The following GREB1 variants were observed in gnomAD, a reference collection of about 807,000 sequenced individuals.
The protein encoded by GREB1 is protein GREB1.
A neutral mutation model predicts 200.7 loss-of-function variants in GREB1; 106 were observed. The ratio of observed to expected loss-of-function variants is 0.53; its 90% CI spans 0.45 to 0.62. The LOEUF (loss-of-function observed/expected upper bound fraction) is 0.62, where lower values mean the gene tolerates loss of function less well. GREB1 is among the 20% of genes least tolerant of loss of function. The pLI is 0.00. For missense variants in GREB1, 2,243 were observed against 2,556.8 expected (o/e 0.88, Z 2.65); for synonymous variants, 1,132 against 1,092.4 (o/e 1.04, Z -0.72).
chr2:11,567,482 C>G (rs1677789633), intron 4 of GREB1, among the ~76,000 whole-genome samples: 1 of 152,120 alleles, frequency 6.6e-6, no homozygotes, highest in African/African-American at 2.4e-5. Context: ...TTAAATTGCT[C>G]AAGGCCGCGT....
At position 11,592,987 on chromosome 2, in the gene GREB1, C is replaced by T. The variant is rs1403581473; in HGVS notation, c.1557C>T (p.Ile519=). 3 of 1,608,356 alleles carry T rather than the reference C, an allele frequency of 1.9e-6. No individual in the cohort carries two copies. Among genetic ancestry groups the T allele is most frequent in the African/African-American group, 1.3e-5 (1 of 74,794 alleles). ...CCTGCAACGACAGCGTGCACGTCAT[C>T]GAGTGTGCTTACTCCCTGGCCGAGG... The part of the protein sequence containing the change: ...ASSCNDSVHV[I]ECAYSLAEGL... Residue 519 remains isoleucine, a synonymous_variant, in exon 11 of 33, where the codon ATC becomes ATT. Transcript: ENST00000381486.
intron 2 of GREB1, among the ~76,000 whole-genome samples, chr2:11,559,372 G>A (rs1459819915): frequency 1.3e-5 from 2 of 152,198 alleles, no homozygotes; most frequent in Non-Finnish European, 1.5e-5. Flanking sequence ...AATATCTGAT[G>A]TAGACCTTTG....
intron 5 of GREB1, among the ~76,000 whole-genome samples, chr2:11,577,382 G>C (rs1020820714): frequency 1.3e-5 from 2 of 152,182 alleles, no homozygotes; most frequent in East Asian, 1.9e-4. Context: ...AGCTTGGCTT[G>C]AACAATGCCC....
chr2:11,506,327 C>G (rs559647517), intron 1 of GREB1, among the ~76,000 whole-genome samples: 4 of 152,184 alleles, frequency 2.6e-5, no homozygotes, highest in African/African-American at 4.8e-5. Context: ...AATGGTTTAT[C>G]TGGGGACTGG....
intron 11 of GREB1, 139 bp downstream of exon 11, chr2:11,593,265 G>A: frequency 1.7e-6 from 1 of 597,438 alleles, no homozygotes; most frequent in South Asian, 2.2e-5. Flanking sequence ...GTGCTCAGTA[G>A]CTGGCTTCAG....
chr2:11,589,649 T>C (rs1039277803), intron 10 of GREB1, among the ~76,000 whole-genome samples: 2 of 152,194 alleles, frequency 1.3e-5, no homozygotes, highest in Admixed American at 6.5e-5. Flanking sequence ...CTGGCGGCTA[T>C]GTGGAGTCAG....
Position 11,618,794 on chromosome 2 carries a change from G to C in GREB1, c.3919G>C (p.Glu1307Gln), listed in dbSNP as rs757992756. 2 of 1,610,662 alleles carry C rather than the reference G, an allele frequency of 1.2e-6. No individual in the cohort carries two copies. Among genetic ancestry groups the C allele is most frequent in the South Asian group, 2.2e-5 (2 of 91,048 alleles). ...GCTCAGCAAGACCATGACATCCACCGAGCAGTCCCTCTACTACCGGCAGTG... is the reference window on the plus strand; with the variant it reads ...GCTCAGCAAGACCATGACATCCACCCAGCAGTCCCTCTACTACCGGCAGTG... ...PLLSKTMTST[E>Q]QSLYYRQWTV... Residue 1307 changes from glutamate to glutamine, a missense_variant, in exon 22 of 33, where the codon GAG becomes CAG. Glu to Gln is a conservative substitution (Grantham distance 29). This residue lies in a region of GREB1 where 587 missense variants were observed against 553.1 expected (regional missense o/e 1.06). Transcript: ENST00000381486.
intron 7 of GREB1, among the ~76,000 whole-genome samples, chr2:11,583,058 C>G (rs1019536986): frequency 6.6e-6 from 1 of 152,186 alleles, no homozygotes; most frequent in African/African-American, 2.4e-5. Context: ...CAAATAGTAC[C>G]TCCCCAAGAG....
Position 11,556,482 on chromosome 2 carries a change from C to T in GREB1, c.-133C>T, listed in dbSNP as rs1030937199. ...CTGCAGCTGAGGACAGCCACCCTTT[C>T]TTCGTCTCTGCTGAGCGAAGGCTAC... On this transcript the variant is annotated 5_prime_UTR_variant, in exon 2 of 33. Coordinates refer to ENST00000381486, the MANE Select transcript of GREB1 (RefSeq NM_014668.4). 3.0e-6 allele frequency: 2 copies of T among 662,374 alleles called. No homozygotes were observed. Among genetic ancestry groups the T allele is most frequent in the Non-Finnish European group, 5.0e-6 (2 of 396,062 alleles). The allele number at this position is 662,374 out of a possible 1,614,324, so 41.0% of individuals were successfully genotyped here.
chr2:11,594,391 G>A (rs1681019931), intron 11 of GREB1, among the ~76,000 whole-genome samples: 1 of 148,794 alleles, frequency 6.7e-6, no homozygotes, highest in Admixed American at 6.7e-5. Context: ...GTCTTGCTCT[G>A]TTGCCCAGGC....
At chr2:11,616,235 C>T (rs1405576834) in intron 20 of GREB1, among the ~76,000 whole-genome samples, 1 of 152,246 alleles carries the variant, frequency 6.6e-6, no homozygotes, top group Non-Finnish European at 1.5e-5. Context: ...TGCACGGCTG[C>T]CCTTCCTGCT....
intron 31 of GREB1, 113 bp downstream of exon 31, chr2:11,638,029 T>G: frequency 1.7e-4 from 147 of 888,564 alleles, no homozygotes; most frequent in Non-Finnish European, 2.5e-4. Flanking sequence ...GTCTCGGGGT[T>G]GACCCCACTT....
At chr2:11,627,169 C>A in intron 25 of GREB1, 65 bp downstream of exon 25, 2 of 1,414,506 alleles carry the variant, frequency 1.4e-6, no homozygotes, top group South Asian at 1.4e-5. Context: ...CCCCTGCTCT[C>A]TCACGCTTTC....
At chr2:11,581,031 T>C (rs1354396968) in intron 7 of GREB1, 199 bp downstream of exon 7, 1 of 717,138 alleles carries the variant, frequency 1.4e-6, no homozygotes, top group Non-Finnish European at 2.6e-6. Flanking sequence ...TGAGTGACAC[T>C]TGGGAGTTAC....
Position 11,632,879 on chromosome 2 carries a change from C to T in GREB1, c.4817-10C>T, listed in dbSNP as rs757607920. ...GTCAGTCCTGAGTCCAGGTGCTTTG[C>T]CCACTGCAGGTGCTGCTCATTTCCT... is the stretch of plus-strand genomic sequence containing the variant. On this transcript the variant is annotated splice_polypyrimidine_tract_variant and intron_variant, in intron 27 of 32. Transcript: ENST00000381486. 4.3e-6 allele frequency: 7 copies of T among 1,611,972 alleles called. No individual in the cohort carries two copies. The South Asian group carries it at 4.4e-5, about 10-fold the overall frequency.
intron 1 of GREB1, chr2:11,540,587 G>A (rs555131820): frequency 1.9e-5 from 3 of 154,540 alleles, no homozygotes; most frequent in East Asian, 1.9e-4. Context: ...AGAGCAGCTC[G>A]GGGCTGAGCT....
At chr2:11,551,081 A>T (rs918795147) in intron 1 of GREB1, among the ~76,000 whole-genome samples, 1 of 152,222 alleles carries the variant, frequency 6.6e-6, no homozygotes, top group Non-Finnish European at 1.5e-5. Flanking sequence ...CACCTAGAGC[A>T]TGTTGAGCTA....
Position 11,627,094 on chromosome 2 carries a change from C to A in GREB1, c.4439C>A (p.Pro1480His). The A allele has an allele frequency of 6.3e-7, 1 of 1,595,288 alleles. No homozygotes were observed. The highest frequency in any genetic ancestry group is 8.6e-7 in the Non-Finnish European group (1 of 1,169,126). Residue 1480 changes from proline to histidine, a missense_variant, in exon 25 of 33, where the codon CCC becomes CAC. Transcript: ENST00000381486. ...TGCCACCAGTACATGGGCTTCCACC[C>A]CCGCTACCAGGTAGGCCCCAGCAGT... ...EQCHQYMGFH[P>H]RYQLYESTLH...
intron 1 of GREB1, among the ~76,000 whole-genome samples, chr2:11,526,961 C>A (rs1226769145): frequency 6.6e-6 from 1 of 152,112 alleles, no homozygotes; most frequent in Non-Finnish European, 1.5e-5. Flanking sequence ...CTTAAGCTTT[C>A]TAATATGGAA....
Sources: gnomAD v4.1 joint callset for allele counts (sites outside exome capture counted in the v4.1 genomes callset) on GRCh38, gnomAD v4.1.1 for gene constraint, gnomAD v4.1.1 regional missense constraint, MANE v1.5 for transcripts, NCBI Gene and HGNC (gene_info 2026-07-23, HGNC 2026-07-21) for gene names.